TAFA2: variants seen among roughly 807,000 people sequenced by gnomAD.
TAFA2 encodes chemokine-like protein TAFA-2.
In TAFA2, 7 loss-of-function variants were observed where a neutral mutation model predicts 18.8. That is an observed-to-expected ratio of 0.37 (90% CI 0.21 to 0.70). The LOEUF (loss-of-function observed/expected upper bound fraction) is 0.70, where lower values mean the gene tolerates loss of function less well. TAFA2 is among the 30% of genes least tolerant of loss of function. The pLI, the probability that TAFA2 is intolerant of heterozygous loss-of-function variation, is 0.53. For missense variants in TAFA2, 122 were observed against 158.1 expected (o/e 0.77, Z 1.23); for synonymous variants, 60 against 54.2 (o/e 1.11, Z -0.47).
intron 1 of TAFA2, among the ~76,000 whole-genome samples, chr12:62,113,605 C>G (rs1431855048): frequency 3.3e-5 from 5 of 152,208 alleles, no homozygotes; most frequent in Admixed American, 6.5e-5. Context: ...TGCCCCTTCC[C>G]CCAGGTGCTC....
chr12:61,807,963 T>C (rs769575334), intron 2 of TAFA2, among the ~76,000 whole-genome samples: 1 of 151,572 alleles, frequency 6.6e-6, no homozygotes, highest in Non-Finnish European at 1.5e-5. Flanking sequence ...AGATGAGAAC[T>C]TGGACTATGG....
At chr12:61,785,966 G>T (rs1415196023) in intron 2 of TAFA2, among the ~76,000 whole-genome samples, 3 of 151,606 alleles carry the variant, frequency 2.0e-5, no homozygotes, top group South Asian at 2.1e-4. Flanking sequence ...AGGAGATAGA[G>T]CTGTGAGTCT....
intron 2 of TAFA2, among the ~76,000 whole-genome samples, chr12:61,825,827 A>G (rs2121070266): frequency 6.6e-6 from 1 of 152,240 alleles, no homozygotes; most frequent in South Asian, 2.1e-4. Context: ...TTTGGCACAC[A>G]TGCCCCTTTG....
At chr12:61,985,251 G>C (rs1332518256) in intron 1 of TAFA2, among the ~76,000 whole-genome samples, 1 of 152,142 alleles carries the variant, frequency 6.6e-6, no homozygotes, top group South Asian at 2.1e-4. Flanking sequence ...ATGGCCTAAA[G>C]ATTTTTGAAA....
chr12:62,258,614 T>C (rs2062954680), intron 1 of TAFA2: 2 of 212,798 alleles, frequency 9.4e-6, no homozygotes, highest in Non-Finnish European at 2.0e-5. Context: ...GTTTATTGAA[T>C]GGCTATTACG....
chr12:61,848,143 A>G (rs1873483635), intron 2 of TAFA2, among the ~76,000 whole-genome samples: 1 of 152,232 alleles, frequency 6.6e-6, no homozygotes, highest in Non-Finnish European at 1.5e-5. Context: ...ATTCCTCAAA[A>G]TACTCCTACA....
At chr12:62,115,764 G>A (rs1869936334) in intron 1 of TAFA2, among the ~76,000 whole-genome samples, 1 of 152,152 alleles carries the variant, frequency 6.6e-6, no homozygotes, top group South Asian at 2.1e-4. Flanking sequence ...TTTATCTGCA[G>A]TGGTATCCAC....
intron 1 of TAFA2, among the ~76,000 whole-genome samples, chr12:61,891,475 T>C (rs1238409405): frequency 6.6e-6 from 1 of 152,030 alleles, no homozygotes; most frequent in East Asian, 1.9e-4. Context: ...GGAGCAACCT[T>C]GCCTCTACTA....
chr12:62,160,701 C>A (rs1046206906), intron 1 of TAFA2, among the ~76,000 whole-genome samples: 1 of 152,182 alleles, frequency 6.6e-6, no homozygotes, highest in Non-Finnish European at 1.5e-5. Flanking sequence ...GTAGAGTTTA[C>A]ACGTTCTCCC....
At chr12:62,107,941 T>C (rs1869533911) in intron 1 of TAFA2, among the ~76,000 whole-genome samples, 1 of 152,166 alleles carries the variant, frequency 6.6e-6, no homozygotes, top group South Asian at 2.1e-4. Flanking sequence ...TTTCATTTCT[T>C]ACCTTTTCAT....
intron 1 of TAFA2, among the ~76,000 whole-genome samples, chr12:61,923,533 T>C (rs974544803): frequency 1.3e-5 from 2 of 151,838 alleles, no homozygotes; most frequent in African/African-American, 4.8e-5. Context: ...CAAACAAAAA[T>C]AGTATCAGCA....
intron 1 of TAFA2, among the ~76,000 whole-genome samples, chr12:62,109,617 A>G (rs1457271332): frequency 1.3e-5 from 2 of 152,122 alleles, no homozygotes; most frequent in Non-Finnish European, 2.9e-5. Context: ...CATGAGCATG[A>G]ATGTTTTTCC....
chr12:61,857,679 G>C (rs1873940425), intron 2 of TAFA2, among the ~76,000 whole-genome samples: 1 of 152,176 alleles, frequency 6.6e-6, no homozygotes, highest in Admixed American at 6.5e-5. Flanking sequence ...CGATTCTGAA[G>C]TTCTAGGCTC....
chr12:61,797,376 T>C (rs1337893259), intron 2 of TAFA2, among the ~76,000 whole-genome samples: 2 of 151,954 alleles, frequency 1.3e-5, no homozygotes, highest in African/African-American at 4.8e-5. Context: ...AAAGTAAAAA[T>C]GTAAGCATTC....
intron 1 of TAFA2, among the ~76,000 whole-genome samples, chr12:61,995,745 G>A (rs1052672991): frequency 5.9e-5 from 9 of 152,132 alleles, no homozygotes; most frequent in African/African-American, 9.7e-5. Flanking sequence ...CAGTTGTTAC[G>A]GCTTAGGGTA....
At chr12:61,961,490 G>T (rs1398389481) in intron 1 of TAFA2, among the ~76,000 whole-genome samples, 1 of 151,898 alleles carries the variant, frequency 6.6e-6, no homozygotes. Context: ...TTAACTGGGA[G>T]TTTCTTTCTT....
At chr12:62,126,720 A>G (rs1870476639) in intron 1 of TAFA2, among the ~76,000 whole-genome samples, 2 of 152,140 alleles carry the variant, frequency 1.3e-5, no homozygotes, top group South Asian at 4.1e-4. Flanking sequence ...TAGAGATGAG[A>G]TGAGAAGAGG....
intron 1 of TAFA2, among the ~76,000 whole-genome samples, chr12:62,230,402 G>A (rs1424871821): frequency 6.6e-6 from 1 of 151,828 alleles, no homozygotes; most frequent in African/African-American, 2.4e-5. Flanking sequence ...AATTGGGTAT[G>A]TTGTGTTTTC....
At chr12:61,921,220 T>A (rs191830630) in intron 1 of TAFA2, among the ~76,000 whole-genome samples, 123 of 152,308 alleles carry the variant, frequency 8.1e-4, no homozygotes, top group Non-Finnish European at 1.6e-3. Flanking sequence ...TCCTGCCAGG[T>A]ACATTGAGAT....
Sources: allele counts gnomAD v4.1 joint callset (sites outside exome capture counted in the v4.1 genomes callset), GRCh38; gene constraint gnomAD v4.1.1; transcripts MANE v1.5; gene names NCBI Gene and HGNC (gene_info 2026-07-23, HGNC 2026-07-21).